Variants in DCC observed in about 807,000 individuals in gnomAD.
The protein encoded by DCC is DCC netrin 1 receptor, also known as netrin receptor DCC.
Under a neutral mutation model 172.5 loss-of-function variants are expected in DCC, and 58 were observed. That is an observed-to-expected ratio of 0.34 (90% CI 0.27 to 0.42). The LOEUF (loss-of-function observed/expected upper bound fraction) is 0.42, where lower values mean the gene tolerates loss of function less well. Ranked by LOEUF, DCC falls within the 10% of genes least tolerant of loss-of-function variation. The pLI, the probability that DCC is intolerant of heterozygous loss-of-function variation, is 1.00. For synonymous variants in DCC, 709 were observed against 644.5 expected (o/e 1.10, Z -1.52); for missense variants, 1,740 against 1,791.0 (o/e 0.97, Z 0.51).
At chr18:53,283,244 G>A (rs559497722) in intron 12 of DCC, among the ~76,000 whole-genome samples, 1 of 152,284 alleles carries the variant, frequency 6.6e-6, no homozygotes, top group South Asian at 2.1e-4. Flanking sequence ...ATGTTTACCT[G>A]TAAGTTGGCT....
intron 5 of DCC, among the ~76,000 whole-genome samples, chr18:53,038,341 G>T (rs2042122974): frequency 6.6e-6 from 1 of 151,864 alleles, no homozygotes; most frequent in Admixed American, 6.6e-5. Context: ...AAACGGAGTG[G>T]CTTAAACAAC....
intron 1 of DCC, among the ~76,000 whole-genome samples, chr18:52,594,000 A>C (rs1370320937): frequency 1.3e-5 from 2 of 152,212 alleles, no homozygotes; most frequent in Non-Finnish European, 2.9e-5. Flanking sequence ...GAGACCTACA[A>C]GGCCATGTGT....
In DCC at chr18:53,118,340, A is replaced by G. The variant is rs1042562765; in HGVS notation, c.1262-39016A>G. On this transcript the variant is annotated intron_variant, in intron 7 of 28. Coordinates refer to ENST00000442544, the MANE Select transcript of DCC (RefSeq NM_005215.4). ...TACCTTCGTCAAATAATACTGCATC[A>G]TAGTGTTTCGTATATAAAGCATGTA... Among the ~76,000 whole-genome samples the G allele has an allele frequency of 1.3e-4, 19 of 151,918 alleles. 1 individual carries two copies. The East Asian group carries it at 3.7e-3, about 30-fold the overall frequency.
chr18:53,434,020 A>C (rs1395933424), intron 21 of DCC, among the ~76,000 whole-genome samples: 3 of 152,200 alleles, frequency 2.0e-5, no homozygotes, highest in African/African-American at 7.2e-5. Flanking sequence ...TGTTTCTTGA[A>C]AGCTGTTTTG....
chr18:52,354,096 G>A (rs1195702029), intron 1 of DCC, among the ~76,000 whole-genome samples: 2 of 152,194 alleles, frequency 1.3e-5, no homozygotes, highest in Admixed American at 6.5e-5. Flanking sequence ...GAAAGAGAAA[G>A]CATCATTGTT....
At chr18:52,756,661 C>G (rs1332827011) in intron 2 of DCC, among the ~76,000 whole-genome samples, 1 of 152,112 alleles carries the variant, frequency 6.6e-6, no homozygotes, top group Non-Finnish European at 1.5e-5. Context: ...CTTCCCTAAC[C>G]CTTACCGTGA....
intron 2 of DCC, among the ~76,000 whole-genome samples, chr18:52,832,482 A>G (rs925423772): frequency 4.6e-5 from 7 of 152,114 alleles, no homozygotes; most frequent in African/African-American, 9.7e-5. Context: ...AAATTTATGC[A>G]TATAATTTTA....
At chr18:52,506,349 C>A (rs148439736) in intron 1 of DCC, among the ~76,000 whole-genome samples, 24 of 152,106 alleles carry the variant, frequency 1.6e-4, no homozygotes, top group African/African-American at 4.8e-4. Context: ...TTTTTTAAAA[C>A]TATTTAAGGT....
Position 53,530,686 on chromosome 18 carries a change from C to A in DCC, c.*33C>A. On this transcript the variant is annotated 3_prime_UTR_variant, in exon 29 of 29. Transcript: ENST00000442544. ...TTCTGAATGGATGAGGTGAATTTTC[C>A]GGGAACTTTGCAGCATACCAATTAC... 8.1e-7 allele frequency: 1 copy of A among 1,228,180 alleles called. No individual in the cohort carries two copies. Among genetic ancestry groups the A allele is most frequent in the Non-Finnish European group, 1.2e-6 (1 of 827,700 alleles). The allele number at this position is 1,228,180 out of a possible 1,614,324, so 76.1% of individuals were successfully genotyped here.
chr18:52,787,226 C>T (rs1290991111), intron 2 of DCC, among the ~76,000 whole-genome samples: 2 of 152,124 alleles, frequency 1.3e-5, no homozygotes, highest in Non-Finnish European at 2.9e-5. Flanking sequence ...GACACATAAA[C>T]ATTTCAGTTC....
intron 24 of DCC, among the ~76,000 whole-genome samples, chr18:53,467,305 A>G (rs1389609626): frequency 6.6e-6 from 1 of 152,110 alleles, no homozygotes; most frequent in Non-Finnish European, 1.5e-5. Flanking sequence ...TCAAATCTGC[A>G]TATATCCATT....
intron 7 of DCC, among the ~76,000 whole-genome samples, chr18:53,101,823 G>A (rs2043176207): frequency 9.1e-6 from 1 of 109,636 alleles, no homozygotes; most frequent in Non-Finnish European, 2.0e-5. Context: ...GTGTGTGTGT[G>A]TGTATTTGTG....
chr18:52,801,367 A>C (rs1444320140), intron 2 of DCC, among the ~76,000 whole-genome samples: 3 of 152,236 alleles, frequency 2.0e-5, no homozygotes, highest in Non-Finnish European at 4.4e-5. Context: ...ATTGTAACAA[A>C]GCCTATTCTA....
chr18:52,969,591 CT>C, intron 5 of DCC, among the ~76,000 whole-genome samples: 1 of 100,772 alleles, frequency 9.9e-6, no homozygotes, highest in South Asian at 4.5e-4. Context: ...CCCACTCTCT[CT>C]CTCTCTCTCT....
chr18:52,391,067 C>A (rs766757368), intron 1 of DCC, among the ~76,000 whole-genome samples: 1 of 151,998 alleles, frequency 6.6e-6, no homozygotes, highest in Non-Finnish European at 1.5e-5. Context: ...TAGGCTTCTA[C>A]ATTCATGTAT....
At chr18:52,591,686 G>A (rs529226748) in intron 1 of DCC, among the ~76,000 whole-genome samples, 6 of 151,874 alleles carry the variant, frequency 4.0e-5, no homozygotes, top group Non-Finnish European at 7.4e-5. Flanking sequence ...GGGCTCCAGC[G>A]ATCCTCTTGC....
Position 53,205,291 on chromosome 18 carries a change from C to G in DCC, c.1649C>G (p.Pro550Arg), listed in dbSNP as rs1013974671. 1 of 1,613,762 alleles carries G rather than the reference C, an allele frequency of 6.2e-7. No individual in the cohort carries two copies. Among genetic ancestry groups the G allele is most frequent in the South Asian group, 1.1e-5 (1 of 91,074 alleles). The change falls in exon 10 of 29, where the codon CCC (proline) becomes CGC (arginine). Residue 550 changes from proline (P) to arginine (R), a missense_variant. Transcript: ENST00000442544. ...SPTSILITWE[P>R]PAYANGPVQG... Reference sequence around the variant, plus strand: ...ACCTCAATTCTTATTACCTGGGAACCCCCTGCCTATGCAAACGGTCCAGTC... The same window carrying G: ...ACCTCAATTCTTATTACCTGGGAACGCCCTGCCTATGCAAACGGTCCAGTC...
intron 1 of DCC, among the ~76,000 whole-genome samples, chr18:52,698,902 C>T (rs1363281410): frequency 6.6e-6 from 1 of 151,842 alleles, no homozygotes. Context: ...GGCCACCATG[C>T]CTGGCCAAGA....
At chr18:52,440,954 T>G (rs1987952787) in intron 1 of DCC, among the ~76,000 whole-genome samples, 1 of 152,248 alleles carries the variant, frequency 6.6e-6, no homozygotes, top group Non-Finnish European at 1.5e-5. Context: ...CTACTTTGAA[T>G]AGACTACATT....
Sources: allele counts gnomAD v4.1 joint callset (sites outside exome capture counted in the v4.1 genomes callset), GRCh38; gene constraint gnomAD v4.1.1; transcripts MANE v1.5; gene names NCBI Gene and HGNC (gene_info 2026-07-23, HGNC 2026-07-21).